Variants in SCHIP1 observed in about 807,000 individuals in gnomAD.
SCHIP1 encodes the protein schwannomin interacting protein 1.
In SCHIP1, 8 loss-of-function variants were observed where a neutral mutation model predicts 29.7. The ratio of observed to expected loss-of-function variants is 0.27; its 90% CI spans 0.16 to 0.49. SCHIP1 has a LOEUF of 0.49. Ranked by LOEUF, SCHIP1 falls within the 20% of genes least tolerant of loss-of-function variation. SCHIP1 has a pLI of 0.99. For missense variants in SCHIP1, 193 were observed against 294.6 expected (o/e 0.66, Z 2.52); for synonymous variants, 76 against 94.9 (o/e 0.80, Z 1.16).
the SCHIP1 span, among the ~76,000 whole-genome samples, chr3:159,359,981 C>T: frequency 1.3e-5 from 2 of 152,178 alleles, no homozygotes; most frequent in African/African-American, 4.8e-5. Flanking sequence ...TAGCTGACAG[C>T]ACAAACACAG....
At chr3:159,326,944 G>A in the SCHIP1 span, among the ~76,000 whole-genome samples, 1 of 152,120 alleles carries the variant, frequency 6.6e-6, no homozygotes, top group Non-Finnish European at 1.5e-5. Context: ...TGGAGATCTT[G>A]GGTGACTTTA....
chr3:159,304,885 C>T, the SCHIP1 span, among the ~76,000 whole-genome samples: 1 of 152,170 alleles, frequency 6.6e-6, no homozygotes, highest in South Asian at 2.1e-4. Context: ...CCCAGACTTT[C>T]ACCTCAGAAA....
chr3:159,742,184 C>T, the SCHIP1 span, among the ~76,000 whole-genome samples: 1 of 152,150 alleles, frequency 6.6e-6, no homozygotes, highest in South Asian at 2.1e-4. Flanking sequence ...CGAGATTGTG[C>T]CACTGCACTC....
chr3:159,676,335 C>G, the SCHIP1 span, among the ~76,000 whole-genome samples: 2 of 152,172 alleles, frequency 1.3e-5, no homozygotes, highest in African/African-American at 2.4e-5. Flanking sequence ...GTATTCTGTT[C>G]AGTTCTTGAA....
intron 5 of SCHIP1, among the ~76,000 whole-genome samples, chr3:159,891,607 T>C (rs1406711854): frequency 2.0e-5 from 3 of 152,202 alleles, no homozygotes; most frequent in Non-Finnish European, 2.9e-5. Flanking sequence ...TAAAACAATC[T>C]GCACATAGGG....
the SCHIP1 span, among the ~76,000 whole-genome samples, chr3:159,570,931 AT>A: frequency 3.3e-5 from 5 of 152,040 alleles, no homozygotes; most frequent in Non-Finnish European, 5.9e-5. Flanking sequence ...TTCACTCTTG[AT>A]TTGGCTCTCT....
the SCHIP1 span, among the ~76,000 whole-genome samples, chr3:159,418,416 A>G: frequency 7.2e-5 from 11 of 152,186 alleles, no homozygotes; most frequent in African/African-American, 2.7e-4. Context: ...TTTGCTAACT[A>G]TTGTCATAAA....
the SCHIP1 span, among the ~76,000 whole-genome samples, chr3:159,734,290 G>A: frequency 1.1e-4 from 17 of 151,584 alleles, no homozygotes; most frequent in Admixed American, 1.0e-3. Flanking sequence ...TGACAGACAC[G>A]TGCCACCATG....
chr3:159,343,049 C>T, the SCHIP1 span, among the ~76,000 whole-genome samples: 24 of 151,994 alleles, frequency 1.6e-4, no homozygotes, highest in Admixed American at 3.3e-4. Context: ...CTGTGCCAAC[C>T]GCTGTGCCAG....
At chr3:159,635,758 C>T in the SCHIP1 span, among the ~76,000 whole-genome samples, 1 of 152,198 alleles carries the variant, frequency 6.6e-6, no homozygotes, top group African/African-American at 2.4e-5. Context: ...CATTTGAAAA[C>T]ATACCGAAAC....
chr3:159,298,104 AC>A, the SCHIP1 span, among the ~76,000 whole-genome samples: 2 of 152,158 alleles, frequency 1.3e-5, no homozygotes, highest in African/African-American at 4.8e-5. Context: ...GCACATGGCC[AC>A]CCCCAGTATG....
chr3:159,569,146 G>A, the SCHIP1 span, among the ~76,000 whole-genome samples: 1 of 151,952 alleles, frequency 6.6e-6, no homozygotes, highest in Admixed American at 6.6e-5. Flanking sequence ...GACTACATTT[G>A]GGTTTCCTAT....
chr3:159,803,697 T>C, the SCHIP1 span, among the ~76,000 whole-genome samples: 1 of 152,214 alleles, frequency 6.6e-6, no homozygotes. Flanking sequence ...CTGCTTTCAT[T>C]GGCATGCACC....
At chr3:159,297,239 G>A in the SCHIP1 span, among the ~76,000 whole-genome samples, 21 of 151,608 alleles carry the variant, frequency 1.4e-4, no homozygotes, top group South Asian at 3.1e-3. Context: ...TGGCTGTTGC[G>A]AATAATGCTG....
the SCHIP1 span, among the ~76,000 whole-genome samples, chr3:159,372,370 G>C: frequency 6.6e-6 from 1 of 152,082 alleles, no homozygotes; most frequent in Non-Finnish European, 1.5e-5. Flanking sequence ...TTAATAAAGA[G>C]CTAAGATTTA....
the SCHIP1 span, among the ~76,000 whole-genome samples, chr3:159,686,576 T>C: frequency 6.6e-6 from 1 of 152,276 alleles, no homozygotes; most frequent in East Asian, 1.9e-4. Flanking sequence ...ATGTTTATTA[T>C]ATTGAAAGGA....
chr3:159,879,958 T>C (rs934745163), intron 2 of SCHIP1, among the ~76,000 whole-genome samples: 1 of 152,154 alleles, frequency 6.6e-6, no homozygotes, highest in Non-Finnish European at 1.5e-5. Flanking sequence ...TTACCAGCCA[T>C]CATGTGAACA....
chr3:159,754,260 C>G, the SCHIP1 span, among the ~76,000 whole-genome samples: 1 of 152,134 alleles, frequency 6.6e-6, no homozygotes, highest in Non-Finnish European at 1.5e-5. Flanking sequence ...AACCTATCAG[C>G]GGTATATGAG....
At chr3:159,567,762 C>T in the SCHIP1 span, among the ~76,000 whole-genome samples, 4 of 152,024 alleles carry the variant, frequency 2.6e-5, no homozygotes, top group African/African-American at 7.2e-5. Flanking sequence ...TTTCTGCCAC[C>T]CTGTTCTTCA....
Sources: allele counts gnomAD v4.1 joint callset (sites outside exome capture counted in the v4.1 genomes callset), GRCh38; gene constraint gnomAD v4.1.1; transcripts MANE v1.5; gene names NCBI Gene and HGNC (gene_info 2026-07-23, HGNC 2026-07-21).